The following BRI3BP variants were observed in gnomAD, a reference collection of about 807,000 sequenced individuals.
The protein encoded by BRI3BP is BRI3-binding protein.
BRI3BP carries 7 observed loss-of-function variants against 15.8 expected under a neutral mutation model. The ratio of observed to expected loss-of-function variants is 0.44; its 90% CI spans 0.25 to 0.83. BRI3BP has a LOEUF of 0.83. BRI3BP is among the 40% of genes least tolerant of loss of function. BRI3BP has a pLI of 0.20. For missense variants in BRI3BP, 320 were observed against 339.3 expected (o/e 0.94, Z 0.45); for synonymous variants, 192 against 163.5 (o/e 1.17, Z -1.33).
the BRI3BP span, among the ~76,000 whole-genome samples, chr12:125,042,315 T>C: frequency 1.3e-5 from 2 of 152,214 alleles, no homozygotes; most frequent in Admixed American, 6.5e-5. Flanking sequence ...CTTGGTAAAT[T>C]TGTTGTGATC....
the BRI3BP span, among the ~76,000 whole-genome samples, chr12:125,037,694 C>G: frequency 6.6e-6 from 1 of 151,910 alleles, no homozygotes; most frequent in African/African-American, 2.4e-5. Context: ...CGCCTGTAAT[C>G]CCAACTACTT....
At chr12:125,024,319 C>T (rs1047464803) in intron 2 of BRI3BP, among the ~76,000 whole-genome samples, 1 of 150,216 alleles carries the variant, frequency 6.7e-6, no homozygotes, top group Non-Finnish European at 1.5e-5. Flanking sequence ...ATCCAATCAC[C>T]CCCCACGAGG....
the BRI3BP span, among the ~76,000 whole-genome samples, chr12:125,040,548 G>A: frequency 6.7e-6 from 1 of 150,370 alleles, no homozygotes; most frequent in Non-Finnish European, 1.5e-5. Flanking sequence ...TCTCCATGTT[G>A]GTCAGACTGG....
intron 1 of BRI3BP, among the ~76,000 whole-genome samples, chr12:125,010,345 C>T (rs960960078): frequency 1.7e-4 from 26 of 152,136 alleles, no homozygotes; most frequent in South Asian, 2.1e-4. Context: ...CCCATGCAGT[C>T]GACAGCCTGG....
intron 2 of BRI3BP, among the ~76,000 whole-genome samples, chr12:125,016,921 A>G (rs1257943408): frequency 7.6e-6 from 1 of 132,340 alleles, no homozygotes; most frequent in Non-Finnish European, 1.5e-5. Context: ...TGCAACCTCC[A>G]CCAACCCAGG....
chr12:125,019,635 C>CTTTT (rs1205730966), intron 2 of BRI3BP, among the ~76,000 whole-genome samples: 1 of 33,056 alleles, frequency 3.0e-5, no homozygotes, highest in African/African-American at 8.3e-5. Context: ...TAATTCCACC[C>CTTTT]TTTTTTTTTT....
chr12:125,019,407 A>G (rs1334663571), intron 2 of BRI3BP, among the ~76,000 whole-genome samples: 1 of 151,850 alleles, frequency 6.6e-6, no homozygotes, highest in Non-Finnish European at 1.5e-5. Flanking sequence ...TGGCCCCTTG[A>G]TGACACGATG....
At chr12:124,998,927 C>T (rs1182365928) in intron 1 of BRI3BP, among the ~76,000 whole-genome samples, 1 of 151,848 alleles carries the variant, frequency 6.6e-6, no homozygotes, top group African/African-American at 2.4e-5. Context: ...AAACCAAAAC[C>T]TTTGGCTAGG....
chr12:125,027,074 A>G lies in BRI3BP; in HGVS notation c.*1644A>G, dbSNP rs532402988. ...AACCCGCTCACAGTGCCCTGCGTGC[A>G]GGTTTATAGATAACCCCTGCCAGAC... On this transcript the variant is annotated 3_prime_UTR_variant, in exon 3 of 3. Coordinates refer to ENST00000341446, the MANE Select transcript of BRI3BP (RefSeq NM_080626.6). 31 of 152,186 alleles carry G rather than the reference A, an allele frequency of 2.0e-4. 1 individual carries two copies. The highest frequency in any genetic ancestry group is 7.5e-4 in the African/African-American group (31 of 41,520). The allele number at this position is 152,186 out of a possible 1,614,324, so 9.4% of individuals were successfully genotyped here.
At chr12:125,032,360 A>G (rs184845506), downstream of BRI3BP, among the ~76,000 whole-genome samples, 18 of 152,330 alleles carry the variant, frequency 1.2e-4, no homozygotes, top group African/African-American at 4.1e-4. Context: ...CGGGAGGCTA[A>G]GGCAGGAGAA....
At chr12:125,016,203 G>A (rs1159448206) in intron 2 of BRI3BP, among the ~76,000 whole-genome samples, 2 of 152,126 alleles carry the variant, frequency 1.3e-5, no homozygotes, top group Non-Finnish European at 2.9e-5. Flanking sequence ...TGTTTGATGC[G>A]TAAGCTTCAA....
At position 124,993,919 on chromosome 12, in the gene BRI3BP, G is replaced by A. The variant is rs1451109344; in HGVS notation, c.129G>A (p.Lys43=). ...CGCGGGGCCGCGGCGGCGCGGAGAA[G>A]AACAGCTACCGCCGCACGGTCAACA... ...QGARGRGGAE[K]NSYRRTVNTF... is the part of the protein sequence containing the mutation. The change falls in exon 1 of 3, where the codon AAG becomes AAA. Residue 43 remains lysine (K), a synonymous_variant. Transcript: ENST00000341446. 4 of 1,327,482 alleles carry A rather than the reference G, an allele frequency of 3.0e-6. No homozygotes were observed. The highest frequency in any genetic ancestry group is 3.2e-5 in the East Asian group (1 of 31,158). 82.2% of individuals were successfully genotyped at this position (1,327,482 alleles called of 1,614,324 possible).
intron 1 of BRI3BP, among the ~76,000 whole-genome samples, chr12:125,007,679 C>T (rs1001132255): frequency 6.6e-6 from 1 of 151,506 alleles, no homozygotes; most frequent in African/African-American, 2.4e-5. Flanking sequence ...TAATTACCCC[C>T]ACTGTACTCC....
chr12:125,021,062 C>T (rs1955294683), intron 2 of BRI3BP, among the ~76,000 whole-genome samples: 1 of 152,158 alleles, frequency 6.6e-6, no homozygotes, highest in African/African-American at 2.4e-5. Context: ...CTGGGAAACA[C>T]TGGTTTAGCC....
At chr12:124,994,096 C>T (rs1481020472) in intron 1 of BRI3BP, 93 bp downstream of exon 1, 2 of 893,964 alleles carry the variant, frequency 2.2e-6, no homozygotes, top group Non-Finnish European at 2.8e-6. Context: ...GCCTCCGGGG[C>T]TGCCCGCCCG....
At chr12:125,044,739 C>T in the BRI3BP span, among the ~76,000 whole-genome samples, 18 of 152,136 alleles carry the variant, frequency 1.2e-4, no homozygotes, top group African/African-American at 4.1e-4. Flanking sequence ...TATGAGCCAC[C>T]GCACCTGTCC....
chr12:125,012,646 G>T lies in BRI3BP; in HGVS notation c.316+10G>T, dbSNP rs1250431743. On this transcript the variant is annotated intron_variant, in intron 2 of 2. Coordinates refer to ENST00000341446, the MANE Select transcript of BRI3BP (RefSeq NM_080626.6). ...GTTCTTGGACTTGACGGTAGGTGTA[G>T]GGGTGGCATTCACGTAAGGTGTCAT... The T allele has an allele frequency of 1.9e-6, 3 of 1,575,376 alleles. No individual in the cohort carries two copies. Among genetic ancestry groups the T allele is most frequent in the Non-Finnish European group, 2.6e-6 (3 of 1,144,914 alleles).
At chr12:125,006,513 A>T (rs1326627035) in intron 1 of BRI3BP, among the ~76,000 whole-genome samples, 1 of 152,210 alleles carries the variant, frequency 6.6e-6, no homozygotes, top group Non-Finnish European at 1.5e-5. Context: ...CTTCTCAGGC[A>T]TGGCAGTTTT....
At chr12:125,046,637 T>C in the BRI3BP span, among the ~76,000 whole-genome samples, 1 of 152,242 alleles carries the variant, frequency 6.6e-6, no homozygotes, top group South Asian at 2.1e-4. Flanking sequence ...TATGCAGCCC[T>C]ACCAGAGCTG....
Sources: gnomAD v4.1 joint callset for allele counts (sites outside exome capture counted in the v4.1 genomes callset) on GRCh38, gnomAD v4.1.1 for gene constraint, MANE v1.5 for transcripts, NCBI Gene and HGNC (gene_info 2026-07-23, HGNC 2026-07-21) for gene names.